Variants in CALN1 observed in about 807,000 individuals in gnomAD.
CALN1 encodes the protein calcium-binding protein 8.
In CALN1, 17 loss-of-function variants were observed where a neutral mutation model predicts 30.6. That is an observed-to-expected ratio of 0.56 (90% confidence interval 0.38 to 0.83). The LOEUF (loss-of-function observed/expected upper bound fraction) is 0.83, where lower values mean the gene tolerates loss of function less well. Ranked by LOEUF, CALN1 falls within the 40% of genes least tolerant of loss-of-function variation. The pLI, the probability that CALN1 is intolerant of heterozygous loss-of-function variation, is 0.00. For missense variants in CALN1, 291 were observed against 354.9 expected, an observed-to-expected ratio of 0.82 and a Z score of 1.45; for synonymous variants, 156 against 131.4, an observed-to-expected ratio of 1.19 and a Z score of -1.28.
intron 5 of CALN1, among the ~76,000 whole-genome samples, chr7:71,846,534 G>C (rs948176043): frequency 6.6e-6 from 1 of 152,020 alleles, no homozygotes; most frequent in Non-Finnish European, 1.5e-5. Context: ...GTGTGCGCGT[G>C]CGTGTGTGTG....
intron 2 of CALN1, among the ~76,000 whole-genome samples, chr7:72,362,233 A>C (rs1803615529): frequency 6.6e-6 from 1 of 152,220 alleles, no homozygotes; most frequent in African/African-American, 2.4e-5. Flanking sequence ...CTGTGGAAGC[A>C]TTATGGATCT....
At chr7:71,825,293 T>C (rs1584306024) in intron 5 of CALN1, among the ~76,000 whole-genome samples, 1 of 152,164 alleles carries the variant, frequency 6.6e-6, no homozygotes, top group Non-Finnish European at 1.5e-5. Context: ...AGGGACCCAG[T>C]AGGAGATAAC....
chr7:71,974,417 CAAAAAAAAAA>C (rs1052896558), intron 5 of CALN1, among the ~76,000 whole-genome samples: 14 of 55,044 alleles, frequency 2.5e-4, no homozygotes, highest in South Asian at 2.4e-3. Flanking sequence ...GACTCCATCT[CAAAAAAAAAA>C]AAAAAAAAAA....
chr7:71,907,189 C>G (rs1794182026), intron 5 of CALN1, among the ~76,000 whole-genome samples: 1 of 151,892 alleles, frequency 6.6e-6, no homozygotes, highest in Non-Finnish European at 1.5e-5. Context: ...TCCAGGGAGG[C>G]ACTGTGCAAA....
intron 1 of CALN1, among the ~76,000 whole-genome samples, chr7:72,440,893 A>T (rs1266861505): frequency 2.0e-5 from 3 of 152,190 alleles, no homozygotes; most frequent in Non-Finnish European, 4.4e-5. Context: ...TGTTTTTTGT[A>T]CTGATCTTGC....
chr7:72,486,380 C>CT, the CALN1 span, among the ~76,000 whole-genome samples: 16 of 151,354 alleles, frequency 1.1e-4, 1 homozygote, highest in South Asian at 2.7e-3. Context: ...AATACAATAA[C>CT]TTTTTTTTTG....
intron 5 of CALN1, among the ~76,000 whole-genome samples, chr7:71,876,555 T>A (rs1792254854): frequency 6.6e-6 from 1 of 152,172 alleles, no homozygotes; most frequent in Non-Finnish European, 1.5e-5. Context: ...TTATAAAAAA[T>A]TCCATAAATG....
intron 4 of CALN1, among the ~76,000 whole-genome samples, chr7:72,090,231 G>A (rs968653404): frequency 1.3e-5 from 2 of 152,180 alleles, no homozygotes; most frequent in Admixed American, 1.3e-4. Context: ...GAACCTGGGA[G>A]GCAGAGATTG....
rs112825099 is a variant in CALN1 at position 72,345,307 on chromosome 7, A to G, written c.119+57944T>C. 4.8e-3 allele frequency among the ~76,000 whole-genome samples: 727 copies of G among 150,706 alleles called. 4 individuals are homozygous for G. The highest frequency in any genetic ancestry group is 0.017 in the African/African-American group (689 of 41,116). On this transcript the variant is annotated intron_variant, in intron 2 of 6. Coordinates refer to ENST00000395275, the MANE Select transcript of CALN1 (RefSeq NM_031468.4). ...CTGCACATGGTGAATGGTTTAAAAA[A>G]AAAAATAGCAAGAGAAGGAAAGAAA...
At chr7:72,418,852 A>C (rs1166941498) in intron 1 of CALN1, among the ~76,000 whole-genome samples, 3 of 152,004 alleles carry the variant, frequency 2.0e-5, no homozygotes, top group African/African-American at 7.3e-5. Flanking sequence ...CTCTACCAAA[A>C]AATCTTTTTA....
chr7:72,455,319 A>ATG, the CALN1 span, among the ~76,000 whole-genome samples: 91 of 132,442 alleles, frequency 6.9e-4, no homozygotes, highest in South Asian at 1.3e-3. Context: ...ATATATATAT[A>ATG]TATGTGTGTG....
intron 5 of CALN1, among the ~76,000 whole-genome samples, chr7:71,852,451 T>C (rs372931878): frequency 6.8e-6 from 1 of 146,606 alleles, no homozygotes; most frequent in Non-Finnish European, 1.5e-5. Flanking sequence ...AGCCTGGGCA[T>C]TATAGTGAGA....
chr7:72,108,461 C>T (rs574382258), intron 3 of CALN1, among the ~76,000 whole-genome samples: 90 of 152,276 alleles, frequency 5.9e-4, no homozygotes, highest in African/African-American at 1.9e-3. Flanking sequence ...TTTTCCCTGC[C>T]CAAAATTATA....
chr7:72,458,131 A>AAT, the CALN1 span, among the ~76,000 whole-genome samples: 3 of 72,952 alleles, frequency 4.1e-5, no homozygotes, highest in South Asian at 4.6e-4. Flanking sequence ...TGGTTTTATA[A>AAT]ATATATATAT....
intron 5 of CALN1, among the ~76,000 whole-genome samples, chr7:71,863,418 C>T (rs934878388): frequency 1.3e-5 from 2 of 151,330 alleles, no homozygotes; most frequent in Non-Finnish European, 2.9e-5. Flanking sequence ...ATTAGCAGGG[C>T]GTGGTCACAC....
At chr7:72,105,777 G>A (rs917568440) in intron 4 of CALN1, among the ~76,000 whole-genome samples, 1 of 112,518 alleles carries the variant, frequency 8.9e-6, no homozygotes, top group African/African-American at 3.9e-5. Context: ...AGAAGGAGGA[G>A]GAGGAGGAGG....
chr7:72,088,058 C>T (rs569776727), intron 4 of CALN1, among the ~76,000 whole-genome samples: 10 of 152,232 alleles, frequency 6.6e-5, no homozygotes, highest in African/African-American at 1.9e-4. Flanking sequence ...GTCCCAGCTA[C>T]TCTAGAGGCT....
intron 6 of CALN1, among the ~76,000 whole-genome samples, chr7:71,797,321 C>T (rs1362041021): frequency 6.6e-6 from 1 of 152,174 alleles, no homozygotes; most frequent in Non-Finnish European, 1.5e-5. Flanking sequence ...CTTAGGATAA[C>T]CAGAGCCACC....
At chr7:72,123,473 G>A (rs570278688) in intron 3 of CALN1, among the ~76,000 whole-genome samples, 2 of 152,236 alleles carry the variant, frequency 1.3e-5, no homozygotes, top group East Asian at 1.9e-4. Context: ...GCAAGGGCAC[G>A]CGTAAACACC....
Sources: gnomAD v4.1 joint callset for allele counts (sites outside exome capture counted in the v4.1 genomes callset) on GRCh38, gnomAD v4.1.1 for gene constraint, MANE v1.5 for transcripts, NCBI Gene and HGNC (gene_info 2026-07-23, HGNC 2026-07-21) for gene names.